The following MUC6 variants were observed in gnomAD, a reference collection of about 807,000 sequenced individuals.
The protein encoded by MUC6 is mucin-6.
In MUC6, 188 loss-of-function variants were observed where a neutral mutation model predicts 201.5. That is an observed-to-expected ratio of 0.93 (90% CI 0.83 to 1.05). The LOEUF (loss-of-function observed/expected upper bound fraction) is 1.05, where lower values mean the gene tolerates loss of function less well. Among genes scored for constraint, MUC6 ranks in the 50% least tolerant of loss-of-function variants. The pLI is 0.00. For missense variants in MUC6, 2,706 were observed against 3,256.9 expected (o/e 0.83, Z 4.12); for synonymous variants, 1,228 against 1,389.4 (o/e 0.88, Z 2.58).
chr11:1,023,142 C>T (rs559198205), intron 26 of MUC6, among the ~76,000 whole-genome samples: 14 of 150,648 alleles, frequency 9.3e-5, no homozygotes, highest in African/African-American at 2.2e-4. Flanking sequence ...CGTGAATGTG[C>T]GTGAGTGAAT....
chr11:1,028,512 G>A (rs1564842775), intron 13 of MUC6, 125 bp from the exon 14 acceptor site: 55 of 1,530,112 alleles, frequency 3.6e-5, no homozygotes, highest in Non-Finnish European at 4.5e-5. Context: ...TGGGCCACAC[G>A]TGCCTGTTAC....
rs141428870 is a variant in MUC6 at position 1,027,948 on chromosome 11, C to T, written c.1848+17G>A. ...AGCCTCCCCTGCAGCCCTCCCAAGA[C>T]GCCCTCGGGCCCTCACCTTGTAGAA... On this transcript the variant is annotated intron_variant, in intron 15 of 32. Transcript: ENST00000421673. 590 of 1,564,400 alleles carry T rather than the reference C, an allele frequency of 3.8e-4. 2 individuals are homozygous for T. In the African/African-American group the frequency reaches 6.6e-3, roughly 17 times the overall value.
intron 26 of MUC6, among the ~76,000 whole-genome samples, chr11:1,021,820 G>A (rs940339900): frequency 1.3e-5 from 2 of 151,988 alleles, no homozygotes; most frequent in African/African-American, 4.8e-5. Flanking sequence ...CCCGATGCAG[G>A]TGCCCTGCAT....
Position 1,021,240 on chromosome 11 carries a change from G to A in MUC6, c.3564C>T (p.His1188=), listed in dbSNP as rs756733442. 22 of 1,591,068 alleles carry A rather than the reference G, an allele frequency of 1.4e-5. No homozygotes were observed. The highest frequency in any genetic ancestry group is 2.3e-5 in the South Asian group (2 of 87,752). Residue 1188 remains histidine, a synonymous_variant, in exon 27 of 33, where the codon CAC becomes CAT. Coordinates refer to ENST00000421673, the MANE Select transcript of MUC6 (RefSeq NM_005961.3). ...YNCSQDEYFD[H]EEGVCVPCMP... ...TGCAGGGCACGCACACCCCCTCCTC[G>A]TGGTCGAAGTACTCATCCTGGGAGC...
rs753725496 is a variant in MUC6 at position 1,024,119 on chromosome 11, CCAGT to C, written c.3226-20_3226-17del. On this transcript the variant is annotated splice_polypyrimidine_tract_variant and intron_variant, in intron 24 of 32. Transcript: ENST00000421673. ...GGTGGTATACCTGCAGGGGTGTGTG[CCAGT>C]CAGTGTCTGGCTGCCGGGGGATGGC... The C allele has an allele frequency of 3.7e-6, 6 of 1,607,438 alleles. No individual in the cohort carries two copies. In the East Asian group the frequency reaches 1.1e-4, roughly 30 times the overall value.
At chr11:1,026,829 A>T in intron 19 of MUC6, 112 bp downstream of exon 19, 1 of 1,155,986 alleles carries the variant, frequency 8.7e-7, no homozygotes, top group Non-Finnish European at 1.2e-6. Context: ...GGCCAGCCCC[A>T]GGCACCCGCT....
At chr11:1,030,366 T>TGGCCCCCCCCCCCCCCCCCC in intron 7 of MUC6, 31 bp from the exon 8 acceptor site, 4 of 1,489,578 alleles carry the variant, frequency 2.7e-6, no homozygotes, top group Non-Finnish European at 2.7e-6. Flanking sequence ...GGTGAGAGGG[T>TGGCCCCCCCCCCCCCCCCCC]CCCACCCCCC....
intron 22 of MUC6, 121 bp from the exon 23 acceptor site, chr11:1,025,488 G>C: frequency 8.2e-7 from 1 of 1,217,188 alleles, no homozygotes; most frequent in South Asian, 1.4e-5. Flanking sequence ...GCACAGGAGC[G>C]CCTGCTGAGA....
rs769140118 is a variant in MUC6, at chr11:1,016,053, A to G, written c.6748T>C (p.Ser2250Pro). 10 of 1,611,348 alleles carry G rather than the reference A, an allele frequency of 6.2e-6. No homozygotes were observed. The East Asian group carries it at 2.2e-4, about 36-fold the overall frequency. The change falls in exon 31 of 33, where the codon TCC (serine) becomes CCC (proline). Residue 2250 changes from serine to proline, a missense_variant. Ser to Pro is a moderately conservative substitution (Grantham distance 74). Transcript: ENST00000421673. ...HLASSTIAFP[S>P]TPRTTASTHT... ...GTGCTGGCCGTGGTCCTGGGCGTGG[A>G]CGGAAATGCAATGGTGCTGGAGGCT... is the stretch of plus-strand genomic sequence containing the variant.
At chr11:1,022,994 GTAAA>G (rs1309037045) in intron 26 of MUC6, among the ~76,000 whole-genome samples, 4 of 151,998 alleles carry the variant, frequency 2.6e-5, no homozygotes, top group South Asian at 2.1e-4. Context: ...ATGTGGGTGA[GTAAA>G]TGTGTGAATG....
chr11:1,032,569 G>A (rs914148315), intron 2 of MUC6, among the ~76,000 whole-genome samples: 4 of 151,130 alleles, frequency 2.6e-5, no homozygotes, highest in African/African-American at 9.8e-5. Context: ...GGGTGCATGT[G>A]TGTGTAGGGT....
rs938531055 is a variant in MUC6 at position 1,026,401 on chromosome 11, G to A, written c.2472C>T (p.Pro824=). The change falls in exon 20 of 33, where the codon CCC becomes CCT. Residue 824 remains proline (P), a synonymous_variant. Transcript: ENST00000421673. The stretch of plus-strand genomic sequence containing the variant: ...CCGAGAACTCACATGGGCACTCCTC[G>A]GGGGGCACACACTGCCCGTCGGCAT... The part of the protein sequence containing the change: ...YENADGQCVP[P]EECPCEFSGV... 18 of 1,608,024 alleles carry A rather than the reference G, an allele frequency of 1.1e-5. No homozygotes were observed. Among genetic ancestry groups the A allele is most frequent in the South Asian group, 6.6e-5 (6 of 90,642 alleles).
chr11:1,036,316 C>T (rs1231052278), intron 1 of MUC6, among the ~76,000 whole-genome samples: 1 of 152,176 alleles, frequency 6.6e-6, no homozygotes, highest in Non-Finnish European at 1.5e-5. Flanking sequence ...CCGGACCCCA[C>T]TCCAGCTGAG....
At position 1,025,231 on chromosome 11, in the gene MUC6, A is replaced by T; in HGVS notation, c.2936T>A (p.Ile979Asn). The T allele has an allele frequency of 6.2e-7, 1 of 1,612,788 alleles. No homozygotes were observed. The highest frequency in any genetic ancestry group is 1.1e-5 in the South Asian group (1 of 91,088). The change falls in exon 23 of 33, where the codon ATC becomes AAC. Residue 979 changes from isoleucine to asparagine, a missense_variant. Ile to Asn is a moderately radical substitution (Grantham distance 149, BLOSUM62 -3). Transcript: ENST00000421673. ...GAGGATGGTCATGTGCCTGTTCCAG[A>T]TGAGCGTCAGGTTGTACCTCCCGGG... Reference protein sequence around the residue: ...SIPGRYNLTLIWNRHMTILIR... With the variant: ...SIPGRYNLTLNWNRHMTILIR...
In MUC6 at chr11:1,025,213, G is replaced by C. The variant is rs377091271; in HGVS notation, c.2954C>G (p.Thr985Ser). The C allele has an allele frequency of 3.7e-5, 59 of 1,612,666 alleles. No individual in the cohort carries two copies. The highest frequency in any genetic ancestry group is 1.6e-4 in the Middle Eastern group (1 of 6,084). Residue 985 changes from threonine (T) to serine (S), a missense_variant, in exon 23 of 33, where the codon ACC becomes AGC. By Grantham distance (58) the Thr-to-Ser change is moderately conservative (BLOSUM62 1). Around this residue, in one of 10 missense-constraint regions of MUC6, gnomAD observed 1,850 missense variants for 1,958.3 expected, o/e 0.94. Coordinates refer to ENST00000421673, the MANE Select transcript of MUC6 (RefSeq NM_005961.3). Reference sequence around the variant, plus strand: ...GGCACGGGCGATCCTGATGAGGATGGTCATGTGCCTGTTCCAGATGAGCGT... The same window carrying C: ...GGCACGGGCGATCCTGATGAGGATGCTCATGTGCCTGTTCCAGATGAGCGT... ...NLTLIWNRHM[T>S]ILIRIARASQ...
At position 1,016,578 on chromosome 11, in the gene MUC6, G is replaced by A. The variant is rs757844302; in HGVS notation, c.6223C>T (p.His2075Tyr). ...GCTGTAGCTGTGCTGAATGAGCTGT[G>A]GGTTTGGCTGGTCCCACTGGTGGTC... ...TVTTSGTSQT[H>Y]SSFSTATASS... The change falls in exon 31 of 33, where the codon CAC (histidine) becomes TAC (tyrosine). Residue 2075 changes from histidine to tyrosine, a missense_variant. Coordinates refer to ENST00000421673, the MANE Select transcript of MUC6 (RefSeq NM_005961.3). 3.4e-6 allele frequency: 3 copies of A among 877,530 alleles called. No homozygotes were observed. In the South Asian group the frequency reaches 4.6e-5, roughly 13 times the overall value. The allele number at this position is 877,530 out of a possible 1,614,324, so 54.4% of individuals were successfully genotyped here.
intron 7 of MUC6, 28 bp from the exon 8 acceptor site, chr11:1,030,363 G>A: frequency 6.5e-7 from 1 of 1,540,576 alleles, no homozygotes. Context: ...TCCGGTGAGA[G>A]GGTCCCACCC....
chr11:1,019,764 C>T (rs1364986336), intron 29 of MUC6: 4 of 616,164 alleles, frequency 6.5e-6, no homozygotes, highest in African/African-American at 1.8e-5. Flanking sequence ...GTCGTCCTGT[C>T]CCCTCCAGGG....
At chr11:1,020,835 G>A (rs939848180) in intron 27 of MUC6, 101 bp from the exon 28 acceptor site, 30 of 1,446,992 alleles carry the variant, frequency 2.1e-5, no homozygotes, top group Non-Finnish European at 2.8e-5. Context: ...GCTCACCAAG[G>A]CTGTGGTGGA....
Sources: allele counts gnomAD v4.1 joint callset (sites outside exome capture counted in the v4.1 genomes callset), GRCh38; gene constraint gnomAD v4.1.1; regional missense constraint gnomAD v4.1.1; transcripts MANE v1.5; gene names NCBI Gene and HGNC (gene_info 2026-07-23, HGNC 2026-07-21).